DIAPH3: variants seen among roughly 807,000 people sequenced by gnomAD.
DIAPH3 encodes diaphanous related formin 3.
A neutral mutation model predicts 144.3 loss-of-function variants in DIAPH3; 117 were observed. That is an observed-to-expected ratio of 0.81 (90% CI 0.70 to 0.95). DIAPH3 has a LOEUF of 0.95. Among genes scored for constraint, DIAPH3 ranks in the 40% least tolerant of loss-of-function variants. The pLI, the probability that DIAPH3 is intolerant of heterozygous loss-of-function variation, is 0.00. For missense variants in DIAPH3, 1,421 were observed against 1,412.7 expected (o/e 1.01, Z -0.09); for synonymous variants, 519 against 488.9 (o/e 1.06, Z -0.81).
intron 2 of DIAPH3, among the ~76,000 whole-genome samples, chr13:60,125,602 T>C (rs2058970942): frequency 6.6e-6 from 1 of 152,068 alleles, no homozygotes; most frequent in Non-Finnish European, 1.5e-5. Flanking sequence ...TATCTTTGTA[T>C]TCCCTAGAAG....
chr13:60,129,850 C>T (rs1055283762), intron 2 of DIAPH3, among the ~76,000 whole-genome samples: 2 of 152,208 alleles, frequency 1.3e-5, no homozygotes, highest in Non-Finnish European at 2.9e-5. Context: ...TCCAGCTACC[C>T]TTTCCCTTCT....
At chr13:59,862,778 T>C (rs908589122) in intron 21 of DIAPH3, among the ~76,000 whole-genome samples, 5 of 152,154 alleles carry the variant, frequency 3.3e-5, no homozygotes, top group Non-Finnish European at 7.4e-5. Flanking sequence ...ACTGCACCTA[T>C]AAAATTTTAA....
intron 9 of DIAPH3, among the ~76,000 whole-genome samples, chr13:60,000,795 A>G (rs2052477702): frequency 6.6e-6 from 1 of 152,164 alleles, no homozygotes. Flanking sequence ...AACTTTGGAA[A>G]TCATGTTTTC....
chr13:59,934,285 T>A (rs2048159769), intron 17 of DIAPH3, among the ~76,000 whole-genome samples: 1 of 152,176 alleles, frequency 6.6e-6, no homozygotes, highest in South Asian at 2.1e-4. Context: ...TTTTCTGGTA[T>A]GCCTTTAGCA....
chr13:59,778,190 C>T (rs2038526501), intron 25 of DIAPH3, among the ~76,000 whole-genome samples: 1 of 152,190 alleles, frequency 6.6e-6, no homozygotes, highest in Non-Finnish European at 1.5e-5. Flanking sequence ...CTTACCCTTC[C>T]TTCAAAACGG....
At chr13:59,864,468 A>G (rs2043796031) in intron 21 of DIAPH3, among the ~76,000 whole-genome samples, 1 of 151,940 alleles carries the variant, frequency 6.6e-6, no homozygotes, top group African/African-American at 2.4e-5. Context: ...TTGGAACGTT[A>G]AGACAATCAC....
At chr13:59,784,981 G>A (rs530579074) in intron 25 of DIAPH3, among the ~76,000 whole-genome samples, 19 of 152,220 alleles carry the variant, frequency 1.2e-4, no homozygotes, top group Admixed American at 3.9e-4. Context: ...TCTTTAACTA[G>A]CTAGAACAAA....
intron 1 of DIAPH3, among the ~76,000 whole-genome samples, chr13:60,163,265 A>G (rs987772046): frequency 1.3e-5 from 2 of 152,224 alleles, no homozygotes; most frequent in African/African-American, 4.8e-5. Context: ...TCATTTTGAT[A>G]TATCTTATAC....
chr13:60,132,842 T>C, intron 2 of DIAPH3, 115 bp downstream of exon 2: 3 of 849,548 alleles, frequency 3.5e-6, no homozygotes, highest in Non-Finnish European at 5.9e-6. Context: ...ATAAGAATAG[T>C]ACGTTTCCAA....
chr13:59,956,279 C>A (rs891491508), intron 17 of DIAPH3, among the ~76,000 whole-genome samples: 7 of 152,320 alleles, frequency 4.6e-5, no homozygotes, highest in African/African-American at 1.7e-4. Context: ...CCATCATAGG[C>A]CCGGAGACCT....
At chr13:60,081,909 T>C (rs557500028) in intron 4 of DIAPH3, among the ~76,000 whole-genome samples, 5 of 152,126 alleles carry the variant, frequency 3.3e-5, no homozygotes, top group Middle Eastern at 3.4e-3. Flanking sequence ...TCCCATGAGT[T>C]GCCAGAGCTC....
At position 60,070,298 on chromosome 13, in the gene DIAPH3, T is replaced by G. The variant is rs576992895; in HGVS notation, c.495+23330A>C. Among the ~76,000 whole-genome samples the G allele has an allele frequency of 3.8e-3, 467 of 123,738 alleles. 3 individuals are homozygous for G. Among genetic ancestry groups the G allele is most frequent in the African/African-American group, 0.013 (430 of 34,224 alleles). The allele number at this position is 123,738 out of a possible 152,430, so 81.2% of individuals were successfully genotyped here. On this transcript the variant is annotated intron_variant, in intron 4 of 27. Coordinates refer to ENST00000400324, the MANE Select transcript of DIAPH3 (RefSeq NM_001042517.2). ...TTCTGTTGGATTTTTTTTTTTTTTT[T>G]GCTCTTTTTTTCTAGCCAAGTCCTA...
At chr13:59,828,864 A>G (rs2041612287) in intron 24 of DIAPH3, among the ~76,000 whole-genome samples, 1 of 151,870 alleles carries the variant, frequency 6.6e-6, no homozygotes, top group South Asian at 2.1e-4. Flanking sequence ...CATTATCTAC[A>G]GTCGATTGTT....
intron 13 of DIAPH3, among the ~76,000 whole-genome samples, chr13:59,982,619 G>A (rs71432799): frequency 0.022 from 3,329 of 151,640 alleles, 54 homozygotes; most frequent in Non-Finnish European, 0.032. Flanking sequence ...ATCATTGTGG[G>A]TAATCTTCTT....
At chr13:59,699,205 T>A (rs1424608090) in intron 27 of DIAPH3, among the ~76,000 whole-genome samples, 2 of 152,226 alleles carry the variant, frequency 1.3e-5, no homozygotes, top group East Asian at 3.8e-4. Context: ...AGGGTTGTGG[T>A]TGCTACTTTA....
chr13:59,740,530 G>A (rs2036392029), intron 27 of DIAPH3, among the ~76,000 whole-genome samples: 1 of 152,164 alleles, frequency 6.6e-6, no homozygotes, highest in Admixed American at 6.6e-5. Context: ...CAGATGCTAA[G>A]TCTAACACCA....
At chr13:59,908,238 T>C (rs926329079) in intron 20 of DIAPH3, among the ~76,000 whole-genome samples, 1 of 151,596 alleles carries the variant, frequency 6.6e-6, no homozygotes, top group African/African-American at 2.4e-5. Context: ...GGCTTGGTGT[T>C]GTGCACCAAG....
chr13:59,845,212 T>G (rs2042566761), intron 22 of DIAPH3, among the ~76,000 whole-genome samples: 1 of 151,942 alleles, frequency 6.6e-6, no homozygotes, highest in Non-Finnish European at 1.5e-5. Context: ...CCTGGCTTAT[T>G]TTTGTATTTT....
intron 5 of DIAPH3, among the ~76,000 whole-genome samples, chr13:60,040,434 CT>C (rs1374954905): frequency 1.3e-5 from 2 of 152,004 alleles, no homozygotes; most frequent in Admixed American, 1.3e-4. Context: ...AGTTTTTCTT[CT>C]TTAAATAAGG....
Sources: allele counts gnomAD v4.1 joint callset (sites outside exome capture counted in the v4.1 genomes callset), GRCh38; gene constraint gnomAD v4.1.1; transcripts MANE v1.5; gene names NCBI Gene and HGNC (gene_info 2026-07-23, HGNC 2026-07-21).